The following GREB1L variants were observed in gnomAD, a reference collection of about 807,000 sequenced individuals.
GREB1L encodes the protein GREB1-like protein.
In GREB1L, 17 loss-of-function variants were observed where a neutral mutation model predicts 200.8. The observed-to-expected ratio is 0.08, with a 90% CI of 0.06 to 0.13. GREB1L has a LOEUF of 0.13. Among genes scored for constraint, GREB1L ranks in the 10% least tolerant of loss-of-function variants. The probability of loss-of-function intolerance (pLI) is 1.00; values close to 1 mark genes in which losing one functional copy is unlikely to be tolerated. For synonymous variants in GREB1L, 789 were observed against 893.0 expected, an observed-to-expected ratio of 0.88 and a Z score of 2.08; for missense variants, 1,657 against 2,367.7, an observed-to-expected ratio of 0.70 and a Z score of 6.23.
intron 1 of GREB1L, among the ~76,000 whole-genome samples, chr18:21,286,488 TAA>T (rs975387768): frequency 3.3e-5 from 5 of 152,186 alleles, no homozygotes; most frequent in African/African-American, 1.2e-4. Context: ...TTTCAAAAAA[TAA>T]GTCATGAGAC....
intron 1 of GREB1L, among the ~76,000 whole-genome samples, chr18:21,258,224 A>T (rs1009765936): frequency 6.6e-6 from 1 of 152,174 alleles, no homozygotes; most frequent in Non-Finnish European, 1.5e-5. Context: ...TGCACATACC[A>T]CTAGGGGACC....
intron 1 of GREB1L, among the ~76,000 whole-genome samples, chr18:21,293,159 C>T (rs1250271649): frequency 6.6e-6 from 1 of 152,150 alleles, no homozygotes; most frequent in Non-Finnish European, 1.5e-5. Flanking sequence ...TCTGGTATGG[C>T]CTTGGCAGAA....
chr18:21,467,330 T>G (rs2035296709), intron 15 of GREB1L, among the ~76,000 whole-genome samples: 1 of 152,140 alleles, frequency 6.6e-6, no homozygotes, highest in Non-Finnish European at 1.5e-5. Context: ...GAGAAACTAT[T>G]TGGAAATCAT....
In GREB1L at chr18:21,500,123, G is replaced by T. The variant is rs1238071754; in HGVS notation, c.3786G>T (p.Val1262=). 1 of 1,551,664 alleles carries T rather than the reference G, an allele frequency of 6.4e-7. No homozygotes were observed. The highest frequency in any genetic ancestry group is 1.2e-5 in the South Asian group (1 of 84,058). ...SSSSLLPHAD[V]AWVSSLRPLL... ...CCTCCCTGCTGCCCCACGCCGACGT[G>T]GCCTGGGTGAGCTCCCTGCGGCCAC... Residue 1262 remains valine, a synonymous_variant, in exon 22 of 33, where the codon GTG becomes GTT. Coordinates refer to ENST00000424526, the MANE Select transcript of GREB1L (RefSeq NM_001142966.3).
intron 1 of GREB1L, among the ~76,000 whole-genome samples, chr18:21,250,800 A>T (rs1047094152): frequency 7.9e-5 from 12 of 152,024 alleles, no homozygotes. Context: ...AGTCTGTTCT[A>T]TTTTTTGGAA....
chr18:21,299,396 A>G (rs1337065751), intron 1 of GREB1L, among the ~76,000 whole-genome samples: 1 of 152,034 alleles, frequency 6.6e-6, no homozygotes. Flanking sequence ...TCAATGACTC[A>G]TTTCAAAACA....
At chr18:21,320,823 G>A (rs1158718682) in intron 1 of GREB1L, among the ~76,000 whole-genome samples, 2 of 150,980 alleles carry the variant, frequency 1.3e-5, no homozygotes, top group South Asian at 2.1e-4. Context: ...GCAGCACAAA[G>A]GAAGAGAAAC....
At chr18:21,410,900 G>A (rs1270906903) in intron 7 of GREB1L, among the ~76,000 whole-genome samples, 2 of 151,846 alleles carry the variant, frequency 1.3e-5, no homozygotes, top group Non-Finnish European at 2.9e-5. Flanking sequence ...AGGCTGCAGT[G>A]AGCTAGGATC....
intron 1 of GREB1L, among the ~76,000 whole-genome samples, chr18:21,264,078 A>C (rs2037929753): frequency 6.6e-6 from 1 of 152,192 alleles, no homozygotes; most frequent in Non-Finnish European, 1.5e-5. Context: ...CATCTGATCA[A>C]AATAAACTGC....
chr18:21,445,651 A>G (rs1413173242), intron 11 of GREB1L, among the ~76,000 whole-genome samples: 2 of 152,222 alleles, frequency 1.3e-5, no homozygotes, highest in Non-Finnish European at 2.9e-5. Flanking sequence ...TTATTAGGGC[A>G]TATTCAGTGT....
intron 1 of GREB1L, among the ~76,000 whole-genome samples, chr18:21,253,828 C>CT (rs34861643): frequency 0.039 from 4,459 of 115,778 alleles, 307 homozygotes; most frequent in African/African-American, 0.12. Flanking sequence ...GACTTCCAGG[C>CT]TTTTTTTTTT....
chr18:21,453,421 A>G (rs2034617591), intron 14 of GREB1L, among the ~76,000 whole-genome samples: 1 of 152,160 alleles, frequency 6.6e-6, no homozygotes, highest in African/African-American at 2.4e-5. Context: ...ATTAATTAGC[A>G]CAGGTTAATT....
At chr18:21,456,729 AG>A in intron 15 of GREB1L, among the ~76,000 whole-genome samples, 1 of 152,288 alleles carries the variant, frequency 6.6e-6, no homozygotes, top group Middle Eastern at 3.4e-3. Flanking sequence ...GAGCTGGAAA[AG>A]GTCAAATGCC....
At chr18:21,463,456 T>G (rs1424685378) in intron 15 of GREB1L, among the ~76,000 whole-genome samples, 3 of 152,132 alleles carry the variant, frequency 2.0e-5, no homozygotes, top group Admixed American at 6.5e-5. Flanking sequence ...TAGTTGAATG[T>G]TGAAAACCAG....
At chr18:21,330,083 A>G (rs2039086067) in intron 1 of GREB1L, among the ~76,000 whole-genome samples, 1 of 151,648 alleles carries the variant, frequency 6.6e-6, no homozygotes, top group Non-Finnish European at 1.5e-5. Flanking sequence ...GCCAGTTCTT[A>G]TAGAACATGT....
intron 5 of GREB1L, among the ~76,000 whole-genome samples, chr18:21,398,660 A>C (rs975250928): frequency 6.6e-6 from 1 of 152,222 alleles, no homozygotes; most frequent in Admixed American, 6.5e-5. Context: ...ATTAAAATAT[A>C]GTGGAAAAAT....
At chr18:21,484,815 C>G (rs1237264900) in intron 17 of GREB1L, among the ~76,000 whole-genome samples, 2 of 152,094 alleles carry the variant, frequency 1.3e-5, no homozygotes, top group Non-Finnish European at 2.9e-5. Flanking sequence ...AAGAGCAAAA[C>G]TTGGTCTCAA....
At position 21,522,827 on chromosome 18, in the gene GREB1L, T is replaced by C. The variant is rs2037627014; in HGVS notation, c.*6T>C. ...TTACTGGACGTCATGTATGAGCTTTTGAAGAGACCAAAACAGCAAAAAGAT... is the reference window on the plus strand; with the variant it reads ...TTACTGGACGTCATGTATGAGCTTTCGAAGAGACCAAAACAGCAAAAAGAT... On this transcript the variant is annotated 3_prime_UTR_variant, in exon 33 of 33. Coordinates refer to ENST00000424526, the MANE Select transcript of GREB1L (RefSeq NM_001142966.3). 1 of 1,545,638 alleles carries C rather than the reference T, an allele frequency of 6.5e-7. No individual in the cohort carries two copies. Among genetic ancestry groups the C allele is most frequent in the East Asian group, 2.5e-5 (1 of 40,778 alleles).
intron 1 of GREB1L, among the ~76,000 whole-genome samples, 153 bp downstream of exon 1, chr18:21,242,546 A>T (rs2037515789): frequency 1.3e-5 from 2 of 151,956 alleles, no homozygotes; most frequent in African/African-American, 4.8e-5. Flanking sequence ...TTCCGGAGGG[A>T]TGGGAAGCTC....
Sources: allele counts gnomAD v4.1 joint callset (sites outside exome capture counted in the v4.1 genomes callset), GRCh38; gene constraint gnomAD v4.1.1; transcripts MANE v1.5; gene names NCBI Gene and HGNC (gene_info 2026-07-23, HGNC 2026-07-21).